The following TARBP2 variants were observed in gnomAD, a reference collection of about 807,000 sequenced individuals.
TARBP2 encodes RISC-loading complex subunit TARBP2.
In TARBP2, 23 loss-of-function variants were observed where a neutral mutation model predicts 40.4. The ratio of observed to expected loss-of-function variants is 0.57; its 90% CI spans 0.41 to 0.81. The LOEUF is 0.81. Among genes scored for constraint, TARBP2 ranks in the 30% least tolerant of loss-of-function variants. The pLI, the probability that TARBP2 is intolerant of heterozygous loss-of-function variation, is 0.00. For synonymous variants in TARBP2, 183 were observed against 190.5 expected, an observed-to-expected ratio of 0.96 and a Z score of 0.32; for missense variants, 358 against 473.7, an observed-to-expected ratio of 0.76 and a Z score of 2.27.
chr12:53,504,093 G>T, intron 4 of TARBP2: 1 of 569,616 alleles, frequency 1.8e-6, no homozygotes, highest in Non-Finnish European at 3.1e-6. Context: ...CTGTGTTTGA[G>T]GCCCATCAGG....
chr12:53,503,693 G>T lies in TARBP2; in HGVS notation c.327-20G>T, dbSNP rs1943825163. On this transcript the variant is annotated intron_variant, in intron 3 of 8. Transcript: ENST00000266987. ...CCCTATACATGGGTGTGAATCAAAG[G>T]CCCCCTTCCCCTCGGGAAGTTCTTT... 2.5e-6 allele frequency: 4 copies of T among 1,590,226 alleles called. No individual in the cohort carries two copies. The highest frequency in any genetic ancestry group is 2.7e-5 in the African/African-American group (2 of 74,572).
chr12:53,504,260 G>A (rs1002399057), intron 4 of TARBP2, 137 bp from the exon 5 acceptor site: 6 of 801,684 alleles, frequency 7.5e-6, no homozygotes, highest in Non-Finnish European at 1.2e-5. Context: ...GGCTAGATGT[G>A]TGGACAGACA....
Position 53,505,631 on chromosome 12 carries a change from CTG to C in TARBP2, c.742-16_742-15del. On this transcript the variant is annotated splice_polypyrimidine_tract_variant and intron_variant, in intron 7 of 8. Coordinates refer to ENST00000266987, the MANE Select transcript of TARBP2 (RefSeq NM_134323.2). This position sits in a 1 kb window ranked among gnomAD's most constrained non-coding sequence, Gnocchi z 4.5. ...ACAGTCTCTCGCTTCATCTTTCTCA[CTG>C]TTCCCATCTTGACAGGGTGTGGGCT... 10 of 1,611,258 alleles carry C rather than the reference CTG, an allele frequency of 6.2e-6. No homozygotes were observed. Among genetic ancestry groups the C allele is most frequent in the Non-Finnish European group, 8.5e-6 (10 of 1,177,474 alleles).
rs780255584 is a variant in TARBP2, at chr12:53,504,479, ATCC to A, written c.495+13_495+15del. 3 of 1,613,070 alleles carry A rather than the reference ATCC, an allele frequency of 1.9e-6. No individual in the cohort carries two copies. In the African/African-American group the frequency reaches 4.0e-5, roughly 22 times the overall value. ...CGTTGGTGCTCTGCAGGTGTGTCCC[ATCC>A]TCATTTCCCATGCATGCCTGTCTTC... On this transcript the variant is annotated intron_variant, in intron 5 of 8. Transcript: ENST00000266987.
chr12:53,503,171 C>T, intron 3 of TARBP2, 42 bp downstream of exon 3: 3 of 1,516,912 alleles, frequency 2.0e-6, no homozygotes, highest in Non-Finnish European at 2.7e-6. Flanking sequence ...CTTCAAGGAA[C>T]CCAGGCCCTG....
Position 53,501,349 on chromosome 12 carries a change from T to C in TARBP2, c.-60T>C, listed in dbSNP as rs1943692119. On this transcript the variant is annotated 5_prime_UTR_variant, in exon 1 of 9. Coordinates refer to ENST00000266987, the MANE Select transcript of TARBP2 (RefSeq NM_134323.2). ...TTGGCCCCGGCCCTAGCTCGTCGGC[T>C]GTGTATTGGGGCGCGTGGAGGCTGC... is the stretch of plus-strand genomic sequence containing the variant. 6.5e-7 allele frequency: 1 copy of C among 1,542,144 alleles called. No individual in the cohort carries two copies. Among genetic ancestry groups the C allele is most frequent in the Non-Finnish European group, 8.8e-7 (1 of 1,140,602 alleles).
At position 53,506,228 on chromosome 12, in the gene TARBP2, G is replaced by C. The variant is rs1022441650; in HGVS notation, c.*80G>C. ...TGGGCTCATGTATCTGCGCAGCTCT[G>C]GTACCCTCTGTGGGTGCCATCTCTA... On this transcript the variant is annotated 3_prime_UTR_variant, in exon 9 of 9. Transcript: ENST00000266987. 3.0e-4 allele frequency: 454 copies of C among 1,511,534 alleles called. 1 individual carries two copies. The highest frequency in any genetic ancestry group is 7.5e-5 in the Non-Finnish European group (84 of 1,124,042). 93.6% of individuals were successfully genotyped at this position (1,511,534 alleles called of 1,614,324 possible). A position where few individuals can be genotyped will look rare whatever the true frequency, so the allele number is the denominator to read the frequency against.
chr12:53,501,352 G>A lies in TARBP2; in HGVS notation c.-57G>A. 2 of 1,547,532 alleles carry A rather than the reference G, an allele frequency of 1.3e-6. No homozygotes were observed. The highest frequency in any genetic ancestry group is 1.7e-6 in the Non-Finnish European group (2 of 1,143,914). On this transcript the variant is annotated 5_prime_UTR_variant, in exon 1 of 9. Transcript: ENST00000266987. ...GCCCCGGCCCTAGCTCGTCGGCTGT[G>A]TATTGGGGCGCGTGGAGGCTGCAGT... is the stretch of plus-strand genomic sequence containing the variant.
In TARBP2 at chr12:53,506,169, A is replaced by C; in HGVS notation, c.*21A>C. ...AGTGAAGCCCCAGCTGGACTCATGG[A>C]TGTGCACCCTTTGCTCCCTGCTCTT... On this transcript the variant is annotated 3_prime_UTR_variant, in exon 9 of 9. Coordinates refer to ENST00000266987, the MANE Select transcript of TARBP2 (RefSeq NM_134323.2). 1 of 1,610,260 alleles carries C rather than the reference A, an allele frequency of 6.2e-7. No homozygotes were observed. Among genetic ancestry groups the C allele is most frequent in the African/African-American group, 1.3e-5 (1 of 74,970 alleles).
Sources: gnomAD v4.1 joint callset for allele counts on GRCh38, gnomAD v4.1.1 for gene constraint, Gnocchi (gnomAD v3.1) non-coding constraint, MANE v1.5 for transcripts, NCBI Gene and HGNC (gene_info 2026-07-23, HGNC 2026-07-21) for gene names.